Variants in DIAPH3 observed in about 807,000 individuals in gnomAD.
DIAPH3 encodes the protein diaphanous related formin 3, also known as protein diaphanous homolog 3.
A neutral mutation model predicts 144.3 loss-of-function variants in DIAPH3; 117 were observed. The observed-to-expected ratio is 0.81, with a 90% CI of 0.70 to 0.95. DIAPH3 has a LOEUF of 0.95. Ranked by LOEUF, DIAPH3 falls within the 40% of genes least tolerant of loss-of-function variation. The pLI is 0.00. For missense variants in DIAPH3, 1,421 were observed against 1,412.7 expected (o/e 1.01, Z -0.09); for synonymous variants, 519 against 488.9 (o/e 1.06, Z -0.81).
intron 2 of DIAPH3, 100 bp from the exon 3 acceptor site, chr13:60,112,286 C>G: frequency 7.3e-7 from 1 of 1,368,622 alleles, no homozygotes; most frequent in Non-Finnish European, 1.0e-6. Flanking sequence ...ATCGTGTTAT[C>G]ATTGTGATTT....
intron 27 of DIAPH3, among the ~76,000 whole-genome samples, chr13:59,697,266 T>C (rs1033877629): frequency 1.4e-4 from 21 of 151,470 alleles, no homozygotes; most frequent in Non-Finnish European, 2.9e-4. Flanking sequence ...GAGACCATCC[T>C]CGCTAACACG....
chr13:59,895,578 C>A (rs1158753684), intron 20 of DIAPH3, among the ~76,000 whole-genome samples: 1 of 152,020 alleles, frequency 6.6e-6, no homozygotes, highest in East Asian at 1.9e-4. Flanking sequence ...TCAACTCAGA[C>A]AAAGACTATA....
intron 27 of DIAPH3, among the ~76,000 whole-genome samples, chr13:59,773,094 G>C (rs540355888): frequency 1.3e-5 from 2 of 152,196 alleles, no homozygotes; most frequent in South Asian, 4.2e-4. Context: ...ATTATTCACA[G>C]TGAACTTCTC....
chr13:60,113,812 G>C (rs2058632331), intron 2 of DIAPH3, among the ~76,000 whole-genome samples: 1 of 152,212 alleles, frequency 6.6e-6, no homozygotes. Context: ...AATATTGATA[G>C]CTGCATGGGT....
intron 21 of DIAPH3, among the ~76,000 whole-genome samples, chr13:59,871,001 AT>A (rs2044235812): frequency 6.6e-6 from 1 of 152,094 alleles, no homozygotes; most frequent in Non-Finnish European, 1.5e-5. Flanking sequence ...TCTTATATGT[AT>A]TTTGTTAGAT....
At chr13:59,739,451 A>G (rs190266035) in intron 27 of DIAPH3, among the ~76,000 whole-genome samples, 1 of 152,282 alleles carries the variant, frequency 6.6e-6, no homozygotes, top group East Asian at 1.9e-4. Context: ...TGCCCTCACA[A>G]TACCCTTTTG....
intron 4 of DIAPH3, among the ~76,000 whole-genome samples, chr13:60,067,103 A>AC (rs879273867): frequency 1.3e-5 from 2 of 151,992 alleles, no homozygotes; most frequent in Non-Finnish European, 2.9e-5. Flanking sequence ...ACAAAATGAG[A>AC]CCCCCATCTC....
intron 4 of DIAPH3, among the ~76,000 whole-genome samples, chr13:60,056,852 G>C (rs1319795448): frequency 1.3e-5 from 2 of 151,870 alleles, no homozygotes; most frequent in African/African-American, 2.4e-5. Flanking sequence ...TGACAACAAT[G>C]TGCTGGAACT....
Position 59,740,968 on chromosome 13 carries a change from T to C in DIAPH3, c.3319+33221A>G, listed in dbSNP as rs185811583. On this transcript the variant is annotated intron_variant, in intron 27 of 27. Coordinates refer to ENST00000400324, the MANE Select transcript of DIAPH3 (RefSeq NM_001042517.2). ...GGGAAGAGAAAAGAAACAATAAGGA[T>C]GATGAGCAGATAGGGGTAAGGGTAA... Among the ~76,000 whole-genome samples, 216 of 152,192 alleles carry C rather than the reference T, an allele frequency of 1.4e-3. 2 individuals are homozygous for C. The highest frequency in any genetic ancestry group is 3.1e-3 in the Admixed American group (48 of 15,288).
rs528377851 is a variant in DIAPH3 at position 59,747,651 on chromosome 13, GCACC to G, written c.3319+26534_3319+26537del. On this transcript the variant is annotated intron_variant, in intron 27 of 27. Coordinates refer to ENST00000400324, the MANE Select transcript of DIAPH3 (RefSeq NM_001042517.2). ...AGGAGAGGGCCATATAACCTCATGA[GCACC>G]CAGACAAGATTTCCTCTTGGGCTTC... Among the ~76,000 whole-genome samples the G allele has an allele frequency of 1.3e-3, 203 of 152,270 alleles. 2 individuals carry two copies. The highest frequency in any genetic ancestry group is 2.2e-3 in the Non-Finnish European group (152 of 68,020).
At chr13:60,022,846 T>A (rs1173595941) in intron 5 of DIAPH3, among the ~76,000 whole-genome samples, 1 of 152,200 alleles carries the variant, frequency 6.6e-6, no homozygotes, top group African/African-American at 2.4e-5. Context: ...TATGAACAAG[T>A]GTTGAATTTT....
chr13:60,149,569 G>T (rs1464412156), intron 1 of DIAPH3, among the ~76,000 whole-genome samples: 2 of 151,926 alleles, frequency 1.3e-5, no homozygotes, highest in Non-Finnish European at 1.5e-5. Context: ...AGGGCAACAC[G>T]ATGAGACCCT....
At chr13:59,923,503 G>A (rs1185735245) in intron 18 of DIAPH3, among the ~76,000 whole-genome samples, 1 of 152,082 alleles carries the variant, frequency 6.6e-6, no homozygotes, top group Non-Finnish European at 1.5e-5. Flanking sequence ...AAGACCATAT[G>A]TTCATCACAC....
intron 27 of DIAPH3, among the ~76,000 whole-genome samples, chr13:59,716,580 C>T (rs986935743): frequency 2.0e-5 from 3 of 152,160 alleles, no homozygotes; most frequent in Non-Finnish European, 4.4e-5. Flanking sequence ...TACACTAAAC[C>T]CTTCATATGC....
intron 27 of DIAPH3, among the ~76,000 whole-genome samples, chr13:59,698,392 C>T (rs2138732656): frequency 6.6e-6 from 1 of 151,974 alleles, no homozygotes; most frequent in South Asian, 2.1e-4. Flanking sequence ...TAACACAAGC[C>T]TATTTTACTG....
intron 17 of DIAPH3, among the ~76,000 whole-genome samples, chr13:59,939,287 C>T (rs2048407935): frequency 6.6e-6 from 1 of 152,182 alleles, no homozygotes; most frequent in Admixed American, 6.5e-5. Context: ...AACGATTTCT[C>T]TTCTACCTCT....
At chr13:59,855,569 A>AAAGTC (rs2043209528) in intron 22 of DIAPH3, among the ~76,000 whole-genome samples, 1 of 152,056 alleles carries the variant, frequency 6.6e-6, no homozygotes, top group Admixed American at 6.6e-5. Context: ...TCCTAAGTAT[A>AAAGTC]CTTACTAGAT....
At chr13:60,043,363 A>G (rs1566703453) in intron 4 of DIAPH3, among the ~76,000 whole-genome samples, 1 of 152,208 alleles carries the variant, frequency 6.6e-6, no homozygotes, top group African/African-American at 2.4e-5. Flanking sequence ...AAGAGACTCA[A>G]AGAAAGAACA....
At chr13:59,715,561 G>C (rs1173358915) in intron 27 of DIAPH3, among the ~76,000 whole-genome samples, 1 of 152,058 alleles carries the variant, frequency 6.6e-6, no homozygotes, top group Non-Finnish European at 1.5e-5. Flanking sequence ...TGTCCTAAGA[G>C]AGGTCAGTCT....
Sources: gnomAD v4.1 joint callset for allele counts (sites outside exome capture counted in the v4.1 genomes callset) on GRCh38, gnomAD v4.1.1 for gene constraint, MANE v1.5 for transcripts, NCBI Gene and HGNC (gene_info 2026-07-23, HGNC 2026-07-21) for gene names.